The following CNOT10 variants were observed in gnomAD, a reference collection of about 807,000 sequenced individuals.
CNOT10 encodes CCR4-NOT transcription complex subunit 10.
Under a neutral mutation model 94.6 loss-of-function variants are expected in CNOT10, and 30 were observed. That is an observed-to-expected ratio of 0.32 (90% CI 0.24 to 0.43). The LOEUF is 0.43. Ranked by LOEUF, CNOT10 falls within the 20% of genes least tolerant of loss-of-function variation. The pLI, the probability that CNOT10 is intolerant of heterozygous loss-of-function variation, is 1.00. For synonymous variants in CNOT10, 289 were observed against 301.6 expected (o/e 0.96, Z 0.43); for missense variants, 759 against 877.2 (o/e 0.87, Z 1.70).
At position 32,720,886 on chromosome 3, in the gene CNOT10, C is replaced by T. The variant is rs1343064634; in HGVS notation, c.862+655C>T. On this transcript the variant is annotated intron_variant, in intron 8 of 18. Transcript: ENST00000328834. ...CTTCCCTCCTTCCTTCTTTCTTTTC[C>T]TTCTTTTCCTTCCTTCCTTCCTTCC... Among the ~76,000 whole-genome samples the T allele has an allele frequency of 9.6e-3, 1,057 of 109,748 alleles. 5 individuals are homozygous for T. Among genetic ancestry groups the T allele is most frequent in the East Asian group, 0.029 (87 of 3,046 alleles). 72.0% of individuals were successfully genotyped at this position (109,748 alleles called of 152,430 possible).
chr3:32,740,113 T>C (rs908054084), intron 13 of CNOT10, among the ~76,000 whole-genome samples: 5 of 151,962 alleles, frequency 3.3e-5, no homozygotes, highest in African/African-American at 1.2e-4. Flanking sequence ...TAAAAAATAA[T>C]ACAGAGACCT....
intron 1 of CNOT10, among the ~76,000 whole-genome samples, chr3:32,688,985 A>G (rs1328895402): frequency 1.3e-5 from 2 of 151,692 alleles, no homozygotes; most frequent in Non-Finnish European, 2.9e-5. Flanking sequence ...GTGGCAGATC[A>G]CGAGGTCAAG....
intron 9 of CNOT10, among the ~76,000 whole-genome samples, chr3:32,726,972 G>A (rs113897212): frequency 0.039 from 5,916 of 150,376 alleles, 188 homozygotes; most frequent in Middle Eastern, 0.079. Flanking sequence ...TCAGCCTCCC[G>A]AGTAGCTGGG....
chr3:32,703,701 A>G, intron 1 of CNOT10, 167 bp from the exon 2 acceptor site: 1 of 556,920 alleles, frequency 1.8e-6, no homozygotes, highest in Non-Finnish European at 3.2e-6. Flanking sequence ...CATGTTACTC[A>G]GAACATTGCT....
chr3:32,757,170 A>ATTTTTTTTTTTTTTTTTTTT (rs1173513009), intron 13 of CNOT10, among the ~76,000 whole-genome samples: 1 of 78,294 alleles, frequency 1.3e-5, no homozygotes, highest in African/African-American at 5.6e-5. Context: ...CCCTGAACTA[A>ATTTTTTTTTTTTTTTTTTTT]TTTTTTTTTT....
chr3:32,725,638 T>A (rs1307516946), intron 9 of CNOT10, 39 bp downstream of exon 9: 1 of 1,544,360 alleles, frequency 6.5e-7, no homozygotes, highest in Non-Finnish European at 8.8e-7. Context: ...ATTTACTACT[T>A]CAGAAAAGCA....
intron 11 of CNOT10, 115 bp from the exon 12 acceptor site, chr3:32,734,685 A>T (rs922057713): frequency 1.3e-5 from 11 of 826,720 alleles, no homozygotes; most frequent in Non-Finnish European, 2.0e-5. Context: ...TAAAATTTCT[A>T]CCTATCAAAA....
chr3:32,735,709 CAAA>C (rs981449687), intron 12 of CNOT10, among the ~76,000 whole-genome samples: 10 of 151,964 alleles, frequency 6.6e-5, no homozygotes, highest in Non-Finnish European at 1.5e-4. Flanking sequence ...GACTCCATCT[CAAA>C]AAAACAGAAA....
intron 14 of CNOT10, among the ~76,000 whole-genome samples, chr3:32,762,166 TA>T (rs556098480): frequency 4.9e-3 from 537 of 110,056 alleles, no homozygotes; most frequent in Middle Eastern, 8.6e-3. Context: ...GGTCCCCAGT[TA>T]AAAAAAAAAA....
intron 13 of CNOT10, among the ~76,000 whole-genome samples, chr3:32,747,661 A>G (rs1020413767): frequency 9.9e-5 from 15 of 151,820 alleles, no homozygotes; most frequent in African/African-American, 3.6e-4. Flanking sequence ...CTAAGACCAC[A>G]GGCATGGGCT....
chr3:32,756,485 C>T (rs771200429), intron 13 of CNOT10, among the ~76,000 whole-genome samples: 1 of 152,062 alleles, frequency 6.6e-6, no homozygotes, highest in Non-Finnish European at 1.5e-5. Flanking sequence ...CACCTACTGT[C>T]GGGAGAGGCC....
chr3:32,738,294 A>G (rs1699283519), intron 13 of CNOT10, among the ~76,000 whole-genome samples: 1 of 152,128 alleles, frequency 6.6e-6, no homozygotes, highest in Non-Finnish European at 1.5e-5. Context: ...TTACCATATA[A>G]CAAACCTGCA....
intron 1 of CNOT10, among the ~76,000 whole-genome samples, chr3:32,687,439 G>GTTTTTTGTTTTGTTTTTTTTTTTT (rs1696653694): frequency 9.7e-5 from 5 of 51,312 alleles, no homozygotes; most frequent in Non-Finnish European, 1.0e-4. Context: ...AGTCCTCACG[G>GTTTTTTGTTTTGTTTTTTTTTTTT]TTTTTTTTTT....
Position 32,734,925 on chromosome 3 carries a change from G to T in CNOT10, c.1463G>T (p.Ser488Ile), listed in dbSNP as rs776559678. The T allele has an allele frequency of 1.9e-6, 3 of 1,613,982 alleles. No individual in the cohort carries two copies. The African/African-American group carries it at 4.0e-5, about 22-fold the overall frequency. Residue 488 changes from serine to isoleucine, a missense_variant, in exon 12 of 19, where the codon AGT (serine) becomes ATT (isoleucine). Physicochemically the swap from Ser to Ile is moderately radical, Grantham distance 142. Coordinates refer to ENST00000328834, the MANE Select transcript of CNOT10 (RefSeq NM_015442.3). ...DPKQENGAKN[S>I]NQLGGNTESS... is the part of the protein sequence containing the mutation. ...AAGCAGGAAAATGGGGCTAAAAATA[G>T]TAATCAATTAGGTGGGAACACAGAG...
chr3:32,773,651 A>T lies in CNOT10; in HGVS notation c.*40A>T, dbSNP rs1191500064. 1.3e-6 allele frequency: 2 copies of T among 1,564,882 alleles called. No homozygotes were observed. Among genetic ancestry groups the T allele is most frequent in the Non-Finnish European group, 1.7e-6 (2 of 1,152,878 alleles). ...AAAACTGTTACCTGAGACCCAGGGG[A>T]GAATTTACTGGCCATTTTAGTTGTA... On this transcript the variant is annotated 3_prime_UTR_variant, in exon 19 of 19. Transcript: ENST00000328834.
chr3:32,727,091 C>T (rs1011926639), intron 9 of CNOT10, among the ~76,000 whole-genome samples: 4 of 151,930 alleles, frequency 2.6e-5, no homozygotes, highest in Admixed American at 6.6e-5. Flanking sequence ...GTGATCTGCC[C>T]GCCTTGGCCT....
At chr3:32,718,289 A>G (rs1698214305) in intron 7 of CNOT10, among the ~76,000 whole-genome samples, 1 of 149,092 alleles carries the variant, frequency 6.7e-6, no homozygotes, top group South Asian at 2.1e-4. Flanking sequence ...TTAATGATAA[A>G]AGACATAATT....
chr3:32,725,053 G>T (rs1259574039), intron 8 of CNOT10, among the ~76,000 whole-genome samples: 2 of 151,956 alleles, frequency 1.3e-5, no homozygotes, highest in Non-Finnish European at 2.9e-5. Flanking sequence ...CTAAAAATTA[G>T]CTGGGCATGG....
chr3:32,734,712 A>G, intron 11 of CNOT10, 88 bp from the exon 12 acceptor site: 5 of 1,098,708 alleles, frequency 4.6e-6, no homozygotes, highest in Non-Finnish European at 6.5e-6. Context: ...GCTTTCATTT[A>G]TAATCAATTG....
Sources: gnomAD v4.1 joint callset for allele counts (sites outside exome capture counted in the v4.1 genomes callset) on GRCh38, gnomAD v4.1.1 for gene constraint, MANE v1.5 for transcripts, NCBI Gene and HGNC (gene_info 2026-07-23, HGNC 2026-07-21) for gene names.